The following NTN1 variants were observed in gnomAD, a reference collection of about 807,000 sequenced individuals.
The protein encoded by NTN1 is netrin 1.
A neutral mutation model predicts 54.2 loss-of-function variants in NTN1; 11 were observed. The ratio of observed to expected loss-of-function variants is 0.20; its 90% CI spans 0.13 to 0.34. NTN1 has a LOEUF of 0.34. NTN1 is among the 10% of genes least tolerant of loss of function. NTN1 has a pLI of 1.00. For synonymous variants in NTN1, 371 were observed against 382.0 expected, an observed-to-expected ratio of 0.97 and a Z score of 0.33; for missense variants, 740 against 893.1, an observed-to-expected ratio of 0.83 and a Z score of 2.18.
chr17:9,180,481 C>G (rs1430752643), intron 4 of NTN1, among the ~76,000 whole-genome samples: 1 of 152,178 alleles, frequency 6.6e-6, no homozygotes, highest in East Asian at 1.9e-4. Flanking sequence ...CTGAGGCTGT[C>G]TATCCTGACA....
At chr17:9,081,107 T>C (rs2092069316) in intron 2 of NTN1, among the ~76,000 whole-genome samples, 1 of 152,172 alleles carries the variant, frequency 6.6e-6, no homozygotes, top group Non-Finnish European at 1.5e-5. Context: ...GGGGGCAGTC[T>C]TATGCGACTG....
the NTN1 span, among the ~76,000 whole-genome samples, chr17:9,012,041 T>G: frequency 3.3e-5 from 5 of 152,202 alleles, no homozygotes; most frequent in African/African-American, 9.6e-5. Context: ...GAATAGTTCC[T>G]TCCTCAGACG....
At chr17:9,017,280 A>G (rs529820121), upstream of NTN1, among the ~76,000 whole-genome samples, 7 of 151,524 alleles carry the variant, frequency 4.6e-5, no homozygotes, top group East Asian at 1.9e-4. Flanking sequence ...TACACCTGCT[A>G]TTTCCACTTT....
In NTN1 at chr17:9,239,526, T is replaced by A. The variant is rs1444456771; in HGVS notation, c.1487-114T>A. On this transcript the variant is annotated intron_variant, in intron 6 of 6. Coordinates refer to ENST00000173229, the MANE Select transcript of NTN1 (RefSeq NM_004822.3). The surrounding 1 kb of genome is among the most constrained non-coding windows in gnomAD (Gnocchi z 5.2). Reference sequence around the variant, plus strand: ...ACCCACGCGCTCCTGTATGGGCCACTCTGTGCAGTCACTTCCTGGGGCTGG... The same window carrying A: ...ACCCACGCGCTCCTGTATGGGCCACACTGTGCAGTCACTTCCTGGGGCTGG... The A allele has an allele frequency of 1.9e-6, 2 of 1,031,960 alleles. No individual in the cohort carries two copies. Among genetic ancestry groups the A allele is most frequent in the Non-Finnish European group, 2.8e-6 (2 of 702,006 alleles). 63.9% of individuals were successfully genotyped at this position (1,031,960 alleles called of 1,614,324 possible). A position where few individuals can be genotyped will look rare whatever the true frequency, so the allele number is the denominator to read the frequency against.
intron 2 of NTN1, among the ~76,000 whole-genome samples, chr17:9,038,011 C>G (rs1205524270): frequency 2.0e-5 from 3 of 152,154 alleles, no homozygotes; most frequent in Admixed American, 2.0e-4. Flanking sequence ...TTCCAGCTCC[C>G]AGGCCTCCTT....
intron 3 of NTN1, among the ~76,000 whole-genome samples, chr17:9,172,179 C>T (rs1054036485): frequency 5.9e-5 from 9 of 152,090 alleles, no homozygotes; most frequent in East Asian, 5.9e-4. Context: ...TGAGCCACTG[C>T]GCCTGGCCAG....
rs1906214728 is a variant in NTN1 at position 9,241,541 on chromosome 17, TCA to T, written c.*1576_*1577del. ...ACTGAATTAAGAGGCCTGGCTCCCC[TCA>T]CAGTCAGGAAATTGGTTTCACTTTC... On this transcript the variant is annotated 3_prime_UTR_variant, in exon 7 of 7. Coordinates refer to ENST00000173229, the MANE Select transcript of NTN1 (RefSeq NM_004822.3). 6.6e-6 allele frequency: 1 copy of T among 152,374 alleles called. No individual in the cohort carries two copies. Among genetic ancestry groups the T allele is most frequent in the African/African-American group, 2.4e-5 (1 of 41,442 alleles). The allele number at this position is 152,374 out of a possible 1,614,324, so 9.4% of individuals were successfully genotyped here. A position where few individuals can be genotyped will look rare whatever the true frequency, so the allele number is the denominator to read the frequency against.
intron 5 of NTN1, among the ~76,000 whole-genome samples, chr17:9,192,931 T>C (rs555061772): frequency 1.3e-5 from 2 of 152,040 alleles, no homozygotes; most frequent in South Asian, 4.2e-4. Context: ...AAATAAAAAA[T>C]TAGCTGGGCA....
At position 9,239,632 on chromosome 17, in the gene NTN1, C is replaced by A; in HGVS notation, c.1487-8C>A. On this transcript the variant is annotated splice_polypyrimidine_tract_variant and splice_region_variant and intron_variant, in intron 6 of 6. Transcript: ENST00000173229. This position sits in a 1 kb window ranked among gnomAD's most constrained non-coding sequence, Gnocchi z 5.2. ...GGAGCCCACCCGTCTGCCTGTGCTT[C>A]CTTGCAGCCGTCCAGATCCACATCC... The A allele has an allele frequency of 6.2e-7, 1 of 1,601,248 alleles. No homozygotes were observed. The highest frequency in any genetic ancestry group is 1.7e-4 in the Middle Eastern group (1 of 6,026).
rs967848449 is a variant in NTN1, at chr17:9,239,257, C to T, written c.1487-383C>T. ...ACTTGGGCCTTTGGAGAAGCGCACCCCTGAGGAACCTCCCTCTCCCCGCCA... is the reference window on the plus strand; with the variant it reads ...ACTTGGGCCTTTGGAGAAGCGCACCTCTGAGGAACCTCCCTCTCCCCGCCA... On this transcript the variant is annotated intron_variant, in intron 6 of 6. Transcript: ENST00000173229. The surrounding 1 kb of genome is among the most constrained non-coding windows in gnomAD (Gnocchi z 5.2). 5.1e-4 allele frequency among the ~76,000 whole-genome samples: 77 copies of T among 152,266 alleles called. No homozygotes were observed. The highest frequency in any genetic ancestry group is 1.8e-3 in the African/African-American group (75 of 41,554).
Position 9,023,319 on chromosome 17 carries a change from G to A in NTN1, c.946G>A (p.Asp316Asn). The A allele has an allele frequency of 1.3e-6, 2 of 1,538,318 alleles. No individual in the cohort carries two copies. Among genetic ancestry groups the A allele is most frequent in the East Asian group, 2.4e-5 (1 of 40,874 alleles). The change falls in exon 2 of 7, where the codon GAC (aspartate) becomes AAC (asparagine). Residue 316 changes from aspartate (D) to asparagine (N), a missense_variant. Physicochemically the swap from Asp to Asn is conservative, Grantham distance 23. Transcript: ENST00000173229. ...CRHNTAGPEC[D>N]RCKPFHYDRP... The stretch of plus-strand genomic sequence containing the variant: ...GCACAACACGGCCGGCCCGGAGTGC[G>A]ACCGCTGCAAGCCCTTCCACTACGA...
At chr17:9,224,329 C>T (rs748560604) in intron 6 of NTN1, among the ~76,000 whole-genome samples, 1 of 152,168 alleles carries the variant, frequency 6.6e-6, no homozygotes, top group African/African-American at 2.4e-5. Context: ...GCCTTCCCTG[C>T]GCCCTGCCCT....
chr17:9,097,367 A>G (rs1185371980), intron 2 of NTN1, among the ~76,000 whole-genome samples: 3 of 152,148 alleles, frequency 2.0e-5, no homozygotes, highest in Non-Finnish European at 4.4e-5. Context: ...GCTCAAGCCT[A>G]TAATCCCAGC....
rs1597522610 is a variant in NTN1 at position 9,179,892 on chromosome 17, T to A, written c.1293T>A (p.Gly431=). The part of the protein sequence containing the change: ...GQCPCKDGVT[G]ITCNRCAKGY... ...GTCCCTGCAAGGACGGCGTGACGGG[T>A]ATCACCTGCAACCGCTGCGCCAAAG... Residue 431 remains glycine, a synonymous_variant, in exon 4 of 7, where the codon GGT becomes GGA. Transcript: ENST00000173229. 1 of 1,613,876 alleles carries A rather than the reference T, an allele frequency of 6.2e-7. No individual in the cohort carries two copies. The highest frequency in any genetic ancestry group is 1.1e-5 in the South Asian group (1 of 91,066).
upstream of NTN1, among the ~76,000 whole-genome samples, chr17:9,019,363 TTATAA>T (rs1298431153): frequency 2.6e-5 from 4 of 152,244 alleles, no homozygotes; most frequent in African/African-American, 9.6e-5. Context: ...TTTTTTCATA[TTATAA>T]TATGTCATGA....
At chr17:9,043,481 C>T (rs1340590311) in intron 2 of NTN1, among the ~76,000 whole-genome samples, 1 of 152,166 alleles carries the variant, frequency 6.6e-6, no homozygotes, top group Non-Finnish European at 1.5e-5. Flanking sequence ...AAGGATCTGT[C>T]AGTTTTCAAA....
intron 2 of NTN1, among the ~76,000 whole-genome samples, chr17:9,072,383 T>C (rs1288778653): frequency 6.6e-6 from 1 of 152,180 alleles, no homozygotes; most frequent in East Asian, 1.9e-4. Flanking sequence ...CTTGAATTCT[T>C]ATTTTCTTAA....
intron 3 of NTN1, among the ~76,000 whole-genome samples, chr17:9,169,121 A>G (rs1489960451): frequency 6.6e-6 from 1 of 150,908 alleles, no homozygotes; most frequent in Non-Finnish European, 1.5e-5. Flanking sequence ...ATTTGGCTCC[A>G]TGTTCAGTCT....
chr17:9,179,147 T>C (rs1327238456), intron 3 of NTN1: 1 of 152,262 alleles, frequency 6.6e-6, no homozygotes, highest in African/African-American at 2.4e-5. Context: ...CTCCCGTCTT[T>C]GTTTGCACAT....
Sources: gnomAD v4.1 joint callset for allele counts (sites outside exome capture counted in the v4.1 genomes callset) on GRCh38, gnomAD v4.1.1 for gene constraint, Gnocchi (gnomAD v3.1) non-coding constraint, MANE v1.5 for transcripts, NCBI Gene and HGNC (gene_info 2026-07-23, HGNC 2026-07-21) for gene names.